The following DNAAF11 variants were observed in gnomAD, a reference collection of about 807,000 sequenced individuals.
DNAAF11 encodes the protein dynein axonemal assembly factor 11, also known as leucine rich repeat containing 6.
In DNAAF11, 45 loss-of-function variants were observed where a neutral mutation model predicts 60.8. The ratio of observed to expected loss-of-function variants is 0.74; its 90% CI spans 0.58 to 0.95. The LOEUF (loss-of-function observed/expected upper bound fraction) is 0.95. DNAAF11 is among the 40% of genes least tolerant of loss of function. The pLI is 0.00. For synonymous variants in DNAAF11, 191 were observed against 183.5 expected (o/e 1.04, Z -0.33); for missense variants, 546 against 546.2 (o/e 1.00, Z 0.00).
At chr8:132,668,111 G>C (rs1478387203) in intron 1 of DNAAF11, among the ~76,000 whole-genome samples, 1 of 152,170 alleles carries the variant, frequency 6.6e-6, no homozygotes, top group Non-Finnish European at 1.5e-5. Flanking sequence ...AGAGTTAATA[G>C]AAATAAAGGG....
rs772453135 is a variant in DNAAF11 at position 132,632,783 on chromosome 8, C to T, written c.610G>A (p.Ala204Thr). Residue 204 changes from alanine (A) to threonine (T), a missense_variant, in exon 5 of 12, where the codon GCA becomes ACA. Coordinates refer to ENST00000620350, the MANE Select transcript of DNAAF11 (RefSeq NM_012472.6). The stretch of plus-strand genomic sequence containing the variant: ...GTGTACCAACGTCCATCAAAGCCTG[C>T]GTTACTTCTCTTGTCTTCATTTTTA... ...EDKNEDKRSN[A>T]GFDGRWYTDI... The T allele has an allele frequency of 3.2e-5, 52 of 1,613,676 alleles. No individual in the cohort carries two copies. In the Admixed American group the frequency reaches 6.0e-4, roughly 19 times the overall value.
chr8:132,675,350 G>T, intron 1 of DNAAF11, 134 bp downstream of exon 1: 1 of 919,790 alleles, frequency 1.1e-6, no homozygotes, highest in Non-Finnish European at 1.6e-6. Context: ...GCGGAGGGCC[G>T]GGTGGGGTTA....
chr8:132,590,447 CCTTT>C (rs1816350042), intron 10 of DNAAF11, among the ~76,000 whole-genome samples: 2 of 152,154 alleles, frequency 1.3e-5, no homozygotes, highest in Admixed American at 6.5e-5. Flanking sequence ...CACATTTTTT[CCTTT>C]CTTTGACTTC....
chr8:132,662,711 T>C (rs1486520360), intron 1 of DNAAF11, among the ~76,000 whole-genome samples: 1 of 152,174 alleles, frequency 6.6e-6, no homozygotes, highest in African/African-American at 2.4e-5. Flanking sequence ...GGTTTTAAAT[T>C]CATGGTTTAG....
chr8:132,598,585 C>G (rs1365318962), intron 10 of DNAAF11, among the ~76,000 whole-genome samples: 1 of 152,184 alleles, frequency 6.6e-6, no homozygotes, highest in East Asian at 1.9e-4. Flanking sequence ...AGCACAATAT[C>G]TCCCAGACTG....
chr8:132,683,709 G>A, the DNAAF11 span, among the ~76,000 whole-genome samples: 5 of 152,170 alleles, frequency 3.3e-5, no homozygotes, highest in Non-Finnish European at 7.3e-5. Flanking sequence ...GCTATTGATA[G>A]TTTCTCATGT....
chr8:132,674,349 C>T (rs1362045016), intron 1 of DNAAF11, among the ~76,000 whole-genome samples: 1 of 152,064 alleles, frequency 6.6e-6, no homozygotes, highest in African/African-American at 2.4e-5. Flanking sequence ...TCACTCCCCC[C>T]CGACCCCCAC....
intron 7 of DNAAF11, among the ~76,000 whole-genome samples, chr8:132,622,277 A>C (rs1376941923): frequency 1.3e-5 from 2 of 152,228 alleles, no homozygotes; most frequent in Non-Finnish European, 2.9e-5. Flanking sequence ...TGCTCATGGC[A>C]GAGTTTTAAA....
chr8:132,615,323 T>C (rs1323111677), intron 7 of DNAAF11, among the ~76,000 whole-genome samples: 1 of 152,236 alleles, frequency 6.6e-6, no homozygotes, highest in South Asian at 2.1e-4. Context: ...AATGTGAGAA[T>C]CTTAAGGTAA....
At chr8:132,687,575 T>C in the DNAAF11 span, 1 of 455,952 alleles carries the variant, frequency 2.2e-6, no homozygotes, top group Non-Finnish European at 4.4e-6. Flanking sequence ...ACACCTTCGT[T>C]GAGTTCTCAC....
chr8:132,617,193 A>G (rs567711704), intron 7 of DNAAF11, among the ~76,000 whole-genome samples: 1 of 152,278 alleles, frequency 6.6e-6, no homozygotes, highest in South Asian at 2.1e-4. Flanking sequence ...TCGAGTTGGG[A>G]GAAATGTAAA....
chr8:132,587,651 G>C (rs540050061), intron 10 of DNAAF11, among the ~76,000 whole-genome samples: 4 of 152,172 alleles, frequency 2.6e-5, no homozygotes, highest in Non-Finnish European at 5.9e-5. Flanking sequence ...TGGAAAAGTT[G>C]TAAGGGCCAA....
chr8:132,637,002 T>C (rs1252250624), intron 4 of DNAAF11, among the ~76,000 whole-genome samples: 2 of 152,194 alleles, frequency 1.3e-5, no homozygotes, highest in South Asian at 2.1e-4. Flanking sequence ...TGGAGCCACA[T>C]GCAGGCTGGG....
At chr8:132,669,360 G>A (rs1200917280) in intron 1 of DNAAF11, among the ~76,000 whole-genome samples, 2 of 152,200 alleles carry the variant, frequency 1.3e-5, no homozygotes, top group Admixed American at 6.5e-5. Context: ...CATAGATAGT[G>A]CCTGGCCCAA....
At chr8:132,587,115 AAC>A (rs1815987963) in intron 10 of DNAAF11, among the ~76,000 whole-genome samples, 1 of 152,180 alleles carries the variant, frequency 6.6e-6, no homozygotes, top group Non-Finnish European at 1.5e-5. Flanking sequence ...AGAGCCTTAA[AAC>A]ACCCCATTTC....
the DNAAF11 span, among the ~76,000 whole-genome samples, chr8:132,681,728 T>A: frequency 2.6e-5 from 4 of 152,220 alleles, no homozygotes; most frequent in Non-Finnish European, 5.9e-5. Context: ...GAAATTAATT[T>A]TAAATGATTG....
At chr8:132,638,439 T>C (rs1219021831) in intron 3 of DNAAF11, among the ~76,000 whole-genome samples, 2 of 152,224 alleles carry the variant, frequency 1.3e-5, no homozygotes, top group African/African-American at 2.4e-5. Flanking sequence ...GCTGCTACTA[T>C]ACTTTTCCAG....
intron 11 of DNAAF11, among the ~76,000 whole-genome samples, chr8:132,577,278 C>CTAA (rs375368374): frequency 7.7e-4 from 117 of 152,310 alleles, no homozygotes; most frequent in African/African-American, 2.7e-3. Flanking sequence ...TACAAAGATG[C>CTAA]TAACCTGGGG....
chr8:132,574,917 T>C (rs1270316480), intron 11 of DNAAF11, among the ~76,000 whole-genome samples: 2 of 152,134 alleles, frequency 1.3e-5, no homozygotes, highest in African/African-American at 2.4e-5. Context: ...CATAGAAAAT[T>C]AGGTACCAAA....
Sources: gnomAD v4.1 joint callset for allele counts (sites outside exome capture counted in the v4.1 genomes callset) on GRCh38, gnomAD v4.1.1 for gene constraint, MANE v1.5 for transcripts, NCBI Gene and HGNC (gene_info 2026-07-23, HGNC 2026-07-21) for gene names.